The following GNB1L variants were observed in gnomAD, a reference collection of about 807,000 sequenced individuals.
The protein encoded by GNB1L is G protein subunit beta 1 like.
GNB1L carries 20 observed loss-of-function variants against 29.1 expected under a neutral mutation model. That is an observed-to-expected ratio of 0.69 (90% CI 0.48 to 1.00). GNB1L has a LOEUF of 1.00. Ranked by LOEUF, GNB1L falls within the 50% of genes least tolerant of loss-of-function variation. GNB1L has a pLI of 0.00. For synonymous variants in GNB1L, 193 were observed against 206.5 expected (o/e 0.93, Z 0.56); for missense variants, 421 against 464.9 (o/e 0.91, Z 0.87).
chr22:19,824,935 C>T (rs1279274068), intron 2 of GNB1L, among the ~76,000 whole-genome samples: 1 of 152,216 alleles, frequency 6.6e-6, no homozygotes, highest in Non-Finnish European at 1.5e-5. Flanking sequence ...TGGGCCCCCG[C>T]CCTGCCCTCG....
At chr22:19,835,470 G>A (rs1209398493) in intron 2 of GNB1L, among the ~76,000 whole-genome samples, 1 of 151,256 alleles carries the variant, frequency 6.6e-6, no homozygotes, top group Non-Finnish European at 1.5e-5. Flanking sequence ...ACGAGGTCAG[G>A]GGTTCAAGAC....
Position 19,851,539 on chromosome 22 carries a change from A to G in GNB1L, c.-21+2904T>C, listed in dbSNP as rs1421343422. 3 of 1,613,632 alleles carry G rather than the reference A, an allele frequency of 1.9e-6. 1 individual carries two copies. In the Admixed American group the frequency reaches 5.0e-5, roughly 27 times the overall value. Reference sequence around the variant, plus strand: ...ATACAGAGTTGGACCCAGACACAGCAGGGGTGGCCATGGCGGCTGGTAAAG... The same window carrying G: ...ATACAGAGTTGGACCCAGACACAGCGGGGGTGGCCATGGCGGCTGGTAAAG... On this transcript the variant is annotated intron_variant, in intron 2 of 7. Coordinates refer to ENST00000329517, the MANE Select transcript of GNB1L (RefSeq NM_053004.3).
Position 19,816,614 on chromosome 22 carries a change from A to ATC in GNB1L, c.254+3982_254+3983dup, listed in dbSNP as rs1293453285. 6.6e-6 allele frequency among the ~76,000 whole-genome samples: 1 copy of ATC among 151,882 alleles called. No individual in the cohort carries two copies. Among genetic ancestry groups the ATC allele is most frequent in the Non-Finnish European group, 1.5e-5 (1 of 67,934 alleles). ...CTCACATGCATGCACACAACACACA[A>ATC]TCACACACACCACACACCTCATACA... On this transcript the variant is annotated intron_variant, in intron 4 of 7. Transcript: ENST00000329517. This position sits in a 1 kb window ranked among gnomAD's most constrained non-coding sequence, Gnocchi z 4.4.
rs777993601 is a variant in GNB1L, at chr22:19,812,433, A to G, written c.269T>C (p.Leu90Pro). The G allele has an allele frequency of 1.4e-5, 23 of 1,612,586 alleles. No individual in the cohort carries two copies. The highest frequency in any genetic ancestry group is 3.3e-5 in the South Asian group (3 of 90,980). ...GRQLLSQGRD[L>P]KLCLWDLAEG... The stretch of plus-strand genomic sequence containing the variant: ...CGCGAGGTCCCACAGGCACAGCTTC[A>G]GGTCCCGGCCCTGACTGCCAGACAA... The change falls in exon 5 of 8, where the codon CTG becomes CCG. Residue 90 changes from leucine (L) to proline (P), a missense_variant. By Grantham distance (98) the Leu-to-Pro change is moderately conservative. Transcript: ENST00000329517.
intron 2 of GNB1L, among the ~76,000 whole-genome samples, chr22:19,828,544 G>A (rs931196789): frequency 6.6e-6 from 1 of 152,066 alleles, no homozygotes; most frequent in Non-Finnish European, 1.5e-5. Context: ...TATTTGGGAT[G>A]CTGAAGAAGG....
At chr22:19,796,499 G>A (rs1263199021) in intron 7 of GNB1L, among the ~76,000 whole-genome samples, 1 of 152,196 alleles carries the variant, frequency 6.6e-6, no homozygotes, top group African/African-American at 2.4e-5. Context: ...CTTGTTCCCA[G>A]ACCACAATGT....
intron 2 of GNB1L, chr22:19,851,967 C>G: frequency 1.9e-6 from 3 of 1,614,150 alleles, no homozygotes; most frequent in Non-Finnish European, 2.5e-6. Context: ...GAGCCTGGTA[C>G]CCAGCAGAAG....
chr22:19,815,222 G>A (rs150919634), intron 4 of GNB1L, among the ~76,000 whole-genome samples: 73 of 152,304 alleles, frequency 4.8e-4, no homozygotes, highest in African/African-American at 1.6e-3. Context: ...CAGGAGGGCC[G>A]TGCGGTGTGC....
rs148527436 is a variant in GNB1L, at chr22:19,788,914, G to A, written c.779C>T (p.Thr260Met). 88 of 1,611,570 alleles carry A rather than the reference G, an allele frequency of 5.5e-5. No homozygotes were observed. The highest frequency in any genetic ancestry group is 4.7e-4 in the Admixed American group (28 of 59,966). ...CAGGATCTTGCGATCTGGCCGGATC[G>A]TGACCTCGGCGATCCCGGGATTGGT... ...ELTNPGIAEV[T>M]IRPDRKILAT... Residue 260 changes from threonine to methionine, a missense_variant, in exon 8 of 8, where the codon ACG becomes ATG. Transcript: ENST00000329517.
rs750705463 is a variant in GNB1L at position 19,831,363 on chromosome 22, T to TAA, written c.-20-9990_-20-9989dup. Among the ~76,000 whole-genome samples the TAA allele has an allele frequency of 2.1e-3, 246 of 119,544 alleles. 3 individuals are homozygous for TAA. Among genetic ancestry groups the TAA allele is most frequent in the Middle Eastern group, 0.013 (3 of 230 alleles). The allele number at this position is 119,544 out of a possible 152,430, so 78.4% of individuals were successfully genotyped here. A position where few individuals can be genotyped will look rare whatever the true frequency, so the allele number is the denominator to read the frequency against. ...CTGGGTGAGAAAGTAAGACTCTATCTAAAAAAAAAAAAAAACAATAAAATA... is the reference window on the plus strand; with the variant it reads ...CTGGGTGAGAAAGTAAGACTCTATCTAAAAAAAAAAAAAAAAACAATAAAATA... On this transcript the variant is annotated intron_variant, in intron 2 of 7. Transcript: ENST00000329517.
chr22:19,801,091 C>T (rs1308046536), intron 7 of GNB1L, among the ~76,000 whole-genome samples: 1 of 152,234 alleles, frequency 6.6e-6, no homozygotes, highest in African/African-American at 2.4e-5. Flanking sequence ...GCCCCGGGCC[C>T]TGTCCTTGGT....
intron 2 of GNB1L, among the ~76,000 whole-genome samples, chr22:19,838,971 T>C (rs1937811845): frequency 6.6e-6 from 1 of 152,244 alleles, no homozygotes; most frequent in South Asian, 2.1e-4. Context: ...ATGAATGGAA[T>C]ACTATTCTGC....
intron 7 of GNB1L, among the ~76,000 whole-genome samples, chr22:19,794,941 A>G (rs1194863507): frequency 6.6e-6 from 1 of 152,228 alleles, no homozygotes; most frequent in Non-Finnish European, 1.5e-5. Context: ...AGATCACGCC[A>G]TTGCACTCCA....
At chr22:19,812,540 C>T in intron 4 of GNB1L, 93 bp from the exon 5 acceptor site, 1 of 1,229,850 alleles carries the variant, frequency 8.1e-7, no homozygotes, top group Non-Finnish European at 1.1e-6. Context: ...GGCCATGTTT[C>T]CAGAGAGTGG....
At chr22:19,797,098 C>A (rs1373197726) in intron 7 of GNB1L, among the ~76,000 whole-genome samples, 1 of 152,166 alleles carries the variant, frequency 6.6e-6, no homozygotes, top group Non-Finnish European at 1.5e-5. Context: ...ACAACCTGGG[C>A]AGAGAAAATA....
chr22:19,839,834 C>A (rs142225199), intron 2 of GNB1L, among the ~76,000 whole-genome samples: 1 of 151,780 alleles, frequency 6.6e-6, no homozygotes, highest in African/African-American at 2.4e-5. Flanking sequence ...GAGCCAAGAT[C>A]GTACCACTGC....
Position 19,784,427 on chromosome 22 carries a change from T to G in GNB1L, c.*4282A>C, listed in dbSNP as rs1937173162. ...CCAATCTGCCTGCAGGGACACCCAC[T>G]GCCAGAGGCGGAGGCAGGTTCTCCT... On this transcript the variant is annotated 3_prime_UTR_variant, in exon 8 of 8. Transcript: ENST00000329517. 6.6e-6 allele frequency: 1 copy of G among 152,210 alleles called. No homozygotes were observed. The highest frequency in any genetic ancestry group is 2.1e-4 in the South Asian group (1 of 4,830). 9.4% of individuals were successfully genotyped at this position (152,210 alleles called of 1,614,324 possible).
In GNB1L at chr22:19,852,107, C is replaced by T. The variant is rs1475060356; in HGVS notation, c.-21+2336G>A. 3.1e-6 allele frequency: 5 copies of T among 1,614,250 alleles called. No individual in the cohort carries two copies. In the East Asian group the frequency reaches 8.9e-5, roughly 29 times the overall value. On this transcript the variant is annotated intron_variant, in intron 2 of 7. Transcript: ENST00000329517. ...CGTTCGCACACACACGGTGTCCCCA[C>T]AGCAGGGCCGCTCAATCCAGGGATC...
intron 6 of GNB1L, among the ~76,000 whole-genome samples, chr22:19,805,948 A>G (rs117192811): frequency 2.1e-3 from 325 of 152,286 alleles, no homozygotes; most frequent in Non-Finnish European, 3.7e-3. Flanking sequence ...AGCCCTGGAC[A>G]TGAGCGGCCC....
Sources: allele counts gnomAD v4.1 joint callset (sites outside exome capture counted in the v4.1 genomes callset), GRCh38; gene constraint gnomAD v4.1.1; non-coding constraint Gnocchi (gnomAD v3.1); transcripts MANE v1.5; gene names NCBI Gene and HGNC (gene_info 2026-07-23, HGNC 2026-07-21).